The following GABRB3 variants were observed in gnomAD, a reference collection of about 807,000 sequenced individuals.
The protein encoded by GABRB3 is gamma-aminobutyric acid type A receptor subunit beta3, also known as gamma-aminobutyric acid receptor subunit beta-3.
A neutral mutation model predicts 52.1 loss-of-function variants in GABRB3; 14 were observed. The ratio of observed to expected loss-of-function variants is 0.27; its 90% confidence interval spans 0.18 to 0.42. The LOEUF (loss-of-function observed/expected upper bound fraction) is 0.42. Among genes scored for constraint, GABRB3 ranks in the 10% least tolerant of loss-of-function variants. GABRB3 has a pLI of 1.00. For synonymous variants in GABRB3, 260 were observed against 232.3 expected, an observed-to-expected ratio of 1.12 and a Z score of -1.08; for missense variants, 307 against 609.1, an observed-to-expected ratio of 0.50 and a Z score of 5.22.
chr15:26,605,750 C>T (rs367928211), intron 4 of GABRB3, among the ~76,000 whole-genome samples: 2 of 152,046 alleles, frequency 1.3e-5, no homozygotes, highest in East Asian at 1.9e-4. Flanking sequence ...GAGATAGAGA[C>T]TAGAAGGATG....
chr15:26,716,922 G>C (rs5016884), intron 3 of GABRB3, among the ~76,000 whole-genome samples: 2 of 10,714 alleles, frequency 1.9e-4, no homozygotes, highest in South Asian at 4.4e-3. Flanking sequence ...CCTAGCTCTG[G>C]GGACCTCCAC....
At chr15:26,574,458 TACCTGA>T (rs1461104593) in intron 6 of GABRB3, among the ~76,000 whole-genome samples, 1 of 152,210 alleles carries the variant, frequency 6.6e-6, no homozygotes, top group African/African-American at 2.4e-5. Flanking sequence ...CTAAAACTTA[TACCTGA>T]ATGTTCATAG....
intron 4 of GABRB3, among the ~76,000 whole-genome samples, chr15:26,618,019 T>C (rs1566776898): frequency 6.6e-6 from 1 of 151,820 alleles, no homozygotes; most frequent in Non-Finnish European, 1.5e-5. Flanking sequence ...TAAAAGAGGA[T>C]ACAAAGAAAT....
intron 3 of GABRB3, chr15:26,628,860 G>T: frequency 9.3e-7 from 1 of 1,072,430 alleles, no homozygotes; most frequent in Non-Finnish European, 1.4e-6. Flanking sequence ...TGAAACGGCA[G>T]TCCTCAAACG....
intron 3 of GABRB3, among the ~76,000 whole-genome samples, chr15:26,672,046 T>C (rs1051175381): frequency 5.3e-5 from 8 of 152,234 alleles, no homozygotes; most frequent in Admixed American, 2.0e-4. Context: ...TGTATCCTTC[T>C]TGTTTTTTCT....
intron 3 of GABRB3, among the ~76,000 whole-genome samples, chr15:26,709,646 T>C (rs1308421212): frequency 4.7e-5 from 7 of 148,332 alleles, no homozygotes; most frequent in African/African-American, 1.7e-4. Flanking sequence ...GCCTCCCGAG[T>C]AGCTGGGACT....
At chr15:26,703,436 G>A (rs1244116878) in intron 3 of GABRB3, among the ~76,000 whole-genome samples, 2 of 152,114 alleles carry the variant, frequency 1.3e-5, no homozygotes, top group Non-Finnish European at 1.5e-5. Flanking sequence ...AGCACCTGAG[G>A]ACTCATTCAA....
Position 26,582,950 on chromosome 15 carries a change from C to T in GABRB3, c.544+382G>A, listed in dbSNP as rs74950066. On this transcript the variant is annotated intron_variant, in intron 5 of 8. Transcript: ENST00000311550. ...GAAAATTGCCGAGATGCAGAAATAG[C>T]CTGCTTGTCAAGCCGAGTTCCTGAT... 8.7e-3 allele frequency among the ~76,000 whole-genome samples: 1,320 copies of T among 152,206 alleles called. 15 individuals are homozygous for T. Among genetic ancestry groups the T allele is most frequent in the African/African-American group, 0.03 (1,262 of 41,542 alleles).
At chr15:26,771,598 CCTT>C (rs1228797688) in intron 3 of GABRB3, among the ~76,000 whole-genome samples, 1 of 152,224 alleles carries the variant, frequency 6.6e-6, no homozygotes, top group Non-Finnish European at 1.5e-5. Flanking sequence ...AAAGGGCCAT[CCTT>C]CTCCTGATTC....
At chr15:26,750,351 C>T (rs1236636984) in intron 3 of GABRB3, among the ~76,000 whole-genome samples, 1 of 152,188 alleles carries the variant, frequency 6.6e-6, no homozygotes, top group Non-Finnish European at 1.5e-5. Flanking sequence ...CATTCACTAC[C>T]AAGATACTGC....
intron 8 of GABRB3, among the ~76,000 whole-genome samples, chr15:26,553,219 C>T (rs1281373369): frequency 6.6e-6 from 1 of 152,270 alleles, no homozygotes; most frequent in Admixed American, 6.5e-5. Context: ...GGCGCGATCT[C>T]GGCTCACTGC....
At chr15:26,756,543 A>C (rs1890666936) in intron 3 of GABRB3, among the ~76,000 whole-genome samples, 1 of 152,086 alleles carries the variant, frequency 6.6e-6, no homozygotes, top group African/African-American at 2.4e-5. Flanking sequence ...ACACCACTGC[A>C]CTCCAGTCTG....
intron 3 of GABRB3, among the ~76,000 whole-genome samples, chr15:26,691,836 T>C (rs1888599192): frequency 6.6e-6 from 1 of 152,118 alleles, no homozygotes; most frequent in South Asian, 2.1e-4. Context: ...CCACAACCCA[T>C]TCCTTATGTG....
At chr15:26,699,109 T>A (rs1023469889) in intron 3 of GABRB3, among the ~76,000 whole-genome samples, 5 of 152,116 alleles carry the variant, frequency 3.3e-5, no homozygotes, top group African/African-American at 1.2e-4. Flanking sequence ...GAAGCAGGAA[T>A]ATAAATATTA....
At chr15:26,689,152 T>G (rs1362162436) in intron 3 of GABRB3, among the ~76,000 whole-genome samples, 4 of 152,184 alleles carry the variant, frequency 2.6e-5, no homozygotes, top group African/African-American at 7.2e-5. Flanking sequence ...GGTCCCCCAG[T>G]GCCCCGCCTG....
intron 3 of GABRB3, among the ~76,000 whole-genome samples, chr15:26,749,746 G>A (rs1025840143): frequency 6.6e-6 from 1 of 151,672 alleles, no homozygotes; most frequent in Non-Finnish European, 1.5e-5. Flanking sequence ...TCCTTTCGCG[G>A]GGGCTTTTTT....
intron 3 of GABRB3, among the ~76,000 whole-genome samples, chr15:26,622,271 G>C (rs1358309243): frequency 1.3e-5 from 2 of 152,178 alleles, no homozygotes; most frequent in African/African-American, 4.8e-5. Context: ...CCACGTGATG[G>C]TTCTGCTTTC....
intron 3 of GABRB3, among the ~76,000 whole-genome samples, chr15:26,674,492 A>G (rs989189329): frequency 7.3e-5 from 11 of 150,784 alleles, no homozygotes; most frequent in African/African-American, 2.7e-4. Context: ...GAGAGAGAGA[A>G]AGAAAAGGAA....
intron 3 of GABRB3, among the ~76,000 whole-genome samples, chr15:26,767,424 G>A (rs8042939): frequency 0.33 from 50,400 of 152,064 alleles, 8,548 homozygotes; most frequent in East Asian, 0.41. Context: ...GTGATAGTGT[G>A]GGTGTCCTCA....
Sources: allele counts gnomAD v4.1 joint callset (sites outside exome capture counted in the v4.1 genomes callset), GRCh38; gene constraint gnomAD v4.1.1; transcripts MANE v1.5; gene names NCBI Gene and HGNC (gene_info 2026-07-23, HGNC 2026-07-21).